The following CDH5 variants were observed in gnomAD, a reference collection of about 807,000 sequenced individuals.
CDH5 encodes the protein cadherin 5.
In CDH5, 28 loss-of-function variants were observed where a neutral mutation model predicts 62.0. The observed-to-expected ratio is 0.45, with a 90% CI of 0.33 to 0.62. The LOEUF is 0.62. Among genes scored for constraint, CDH5 ranks in the 20% least tolerant of loss-of-function variants. The pLI is 0.02. For missense variants in CDH5, 940 were observed against 1,065.1 expected (o/e 0.88, Z 1.63); for synonymous variants, 464 against 445.8 (o/e 1.04, Z -0.52).
At chr16:66,394,957 C>T (rs2142336360) in intron 7 of CDH5, among the ~76,000 whole-genome samples, 1 of 148,818 alleles carries the variant, frequency 6.7e-6, no homozygotes, top group African/African-American at 2.5e-5. Flanking sequence ...CTGAAGCAAC[C>T]CTCCCACCTC....
At chr16:66,400,722 C>A in intron 10 of CDH5, 49 bp from the exon 11 acceptor site, 1 of 1,613,110 alleles carries the variant, frequency 6.2e-7, no homozygotes, top group South Asian at 1.1e-5. Context: ...CCAGGTTTCC[C>A]CATCTGTGCA....
chr16:66,391,421 G>A (rs1009517356), intron 6 of CDH5, among the ~76,000 whole-genome samples: 1 of 152,080 alleles, frequency 6.6e-6, no homozygotes, highest in African/African-American at 2.4e-5. Context: ...TGAGGGATGA[G>A]TAGGAGTTTT....
At chr16:66,389,158 C>T (rs746319554) in intron 4 of CDH5, among the ~76,000 whole-genome samples, 200 bp from the exon 5 acceptor site, 11 of 152,166 alleles carry the variant, frequency 7.2e-5, no homozygotes, top group African/African-American at 2.2e-4. Flanking sequence ...AGGACCAATA[C>T]CGAACCCAAC....
rs148866613 is a variant in CDH5 at position 66,390,476 on chromosome 16, A to G, written c.855A>G (p.Pro285=). The change falls in exon 6 of 12, where the codon CCA becomes CCG. Residue 285 remains proline (P), a synonymous_variant. Coordinates refer to ENST00000341529, the MANE Select transcript of CDH5 (RefSeq NM_001795.5). ...TGGGCTCTCTGTTTGTTGAGGACCC[A>G]GATGAGCCCCAGAACCGGATGACCA... ...TSVGSLFVED[P]DEPQNRMTKY... 38 of 1,614,022 alleles carry G rather than the reference A, an allele frequency of 2.4e-5. No homozygotes were observed. The African/African-American group carries it at 4.1e-4, about 18-fold the overall frequency.
chr16:66,404,313 G>A lies in CDH5; in HGVS notation c.*1144G>A, dbSNP rs539063751. The A allele has an allele frequency of 6.5e-6, 1 of 152,786 alleles. No homozygotes were observed. The highest frequency in any genetic ancestry group is 2.4e-5 in the African/African-American group (1 of 41,594). The allele number at this position is 152,786 out of a possible 1,614,324, so 9.5% of individuals were successfully genotyped here. A position where few individuals can be genotyped will look rare whatever the true frequency, so the allele number is the denominator to read the frequency against. Reference sequence around the variant, plus strand: ...AGGCCCTGCCCTGCCCAACCTCTGTGGTCACCCATGCATCTTCCACTGGAA... The same window carrying A: ...AGGCCCTGCCCTGCCCAACCTCTGTAGTCACCCATGCATCTTCCACTGGAA... On this transcript the variant is annotated 3_prime_UTR_variant, in exon 12 of 12. Transcript: ENST00000341529.
intron 7 of CDH5, among the ~76,000 whole-genome samples, chr16:66,393,853 T>A (rs1159210011): frequency 1.3e-5 from 2 of 152,344 alleles, no homozygotes; most frequent in East Asian, 1.9e-4. Context: ...GTTTCAAGGG[T>A]ATTAAGTCTT....
At chr16:66,388,204 TC>T (rs1182096703) in intron 3 of CDH5, 119 bp from the exon 4 acceptor site, 6 of 680,170 alleles carry the variant, frequency 8.8e-6, no homozygotes, top group Non-Finnish European at 1.6e-5. Flanking sequence ...AGCCTTTTAT[TC>T]CCAGGACCTG....
At chr16:66,401,386 T>A (rs1232744321) in intron 11 of CDH5, among the ~76,000 whole-genome samples, 1 of 152,132 alleles carries the variant, frequency 6.6e-6, no homozygotes, top group African/African-American at 2.4e-5. Context: ...TAAAACCTAT[T>A]TTTGAAAAAG....
chr16:66,400,716 G>A (rs1961264636), intron 10 of CDH5, 55 bp from the exon 11 acceptor site: 2 of 1,612,616 alleles, frequency 1.2e-6, no homozygotes, highest in Admixed American at 1.7e-5. Flanking sequence ...GAGGAGCCAG[G>A]TTTCCCCATC....
chr16:66,367,731 CAT>C (rs1960613108), intron 1 of CDH5, among the ~76,000 whole-genome samples: 1 of 152,182 alleles, frequency 6.6e-6, no homozygotes, highest in Non-Finnish European at 1.5e-5. Flanking sequence ...GCTTTGGAAA[CAT>C]ATGAGCTGGT....
intron 2 of CDH5, among the ~76,000 whole-genome samples, chr16:66,385,885 T>C (rs1213207480): frequency 6.6e-6 from 1 of 152,244 alleles, no homozygotes; most frequent in African/African-American, 2.4e-5. Flanking sequence ...TCCTGAAAAT[T>C]TAAGCTGGTT....
intron 10 of CDH5, among the ~76,000 whole-genome samples, chr16:66,399,962 T>G (rs1209498168): frequency 6.6e-6 from 1 of 152,234 alleles, no homozygotes; most frequent in African/African-American, 2.4e-5. Context: ...GTGGAGCCTG[T>G]GTAGCTAAGT....
chr16:66,398,485 G>A lies in CDH5; in HGVS notation c.1515G>A (p.Lys505=). 6.2e-7 allele frequency: 1 copy of A among 1,608,960 alleles called. No homozygotes were observed. The highest frequency in any genetic ancestry group is 8.5e-7 in the Non-Finnish European group (1 of 1,175,274). The change falls in exon 10 of 12, where the codon AAG becomes AAA. Residue 505 remains lysine (K), a synonymous_variant. Transcript: ENST00000341529. ...QLVLQISAID[K]DITPRNVKFK... The stretch of plus-strand genomic sequence containing the variant: ...TCCTGCAGATCTCCGCAATAGACAA[G>A]GACATAACACCACGAAACGTGAAGT...
intron 1 of CDH5, among the ~76,000 whole-genome samples, chr16:66,367,236 G>T (rs1960603571): frequency 1.3e-5 from 2 of 152,220 alleles, no homozygotes; most frequent in Non-Finnish European, 2.9e-5. Flanking sequence ...CTGGGATCTG[G>T]GGAGGGGCCC....
chr16:66,386,778 T>C (rs1960990936), intron 2 of CDH5, 31 bp from the exon 3 acceptor site: 2 of 1,559,506 alleles, frequency 1.3e-6, no homozygotes, highest in African/African-American at 1.4e-5. Flanking sequence ...CTGCCGCCCA[T>C]TCCCAGCTCA....
At chr16:66,386,212 T>C (rs958958026) in intron 2 of CDH5, among the ~76,000 whole-genome samples, 19 of 152,064 alleles carry the variant, frequency 1.2e-4, no homozygotes, top group South Asian at 4.1e-4. Flanking sequence ...ATGCTGGGGC[T>C]CTGCCAGGCA....
intron 1 of CDH5, among the ~76,000 whole-genome samples, chr16:66,373,497 C>A (rs1472653201): frequency 1.3e-5 from 2 of 151,652 alleles, no homozygotes; most frequent in Non-Finnish European, 2.9e-5. Flanking sequence ...CTCACTGCAA[C>A]CCCCGCCTCC....
At chr16:66,367,936 G>A (rs1378635176) in intron 1 of CDH5, among the ~76,000 whole-genome samples, 3 of 152,168 alleles carry the variant, frequency 2.0e-5, no homozygotes, top group Non-Finnish European at 2.9e-5. Flanking sequence ...CTAGCACAGA[G>A]CCGATCCTGG....
chr16:66,373,810 G>C (rs1483980641), intron 1 of CDH5, among the ~76,000 whole-genome samples: 2 of 152,150 alleles, frequency 1.3e-5, no homozygotes, highest in African/African-American at 2.4e-5. Flanking sequence ...AGATCGATCT[G>C]ATGACAACCA....
Sources: allele counts gnomAD v4.1 joint callset (sites outside exome capture counted in the v4.1 genomes callset), GRCh38; gene constraint gnomAD v4.1.1; transcripts MANE v1.5; gene names NCBI Gene and HGNC (gene_info 2026-07-23, HGNC 2026-07-21).